Variants in SLC9A9 observed in about 807,000 individuals in gnomAD.
The protein encoded by SLC9A9 is solute carrier family 9 member A9.
In SLC9A9, 62 loss-of-function variants were observed where a neutral mutation model predicts 77.8. The ratio of observed to expected loss-of-function variants is 0.80; its 90% CI spans 0.65 to 0.98. The LOEUF (loss-of-function observed/expected upper bound fraction) is 0.98. Among genes scored for constraint, SLC9A9 ranks in the 50% least tolerant of loss-of-function variants. The pLI is 0.00. For missense variants in SLC9A9, 775 were observed against 774.9 expected, an observed-to-expected ratio of 1.00 and a Z score of 0.00; for synonymous variants, 320 against 283.5, an observed-to-expected ratio of 1.13 and a Z score of -1.29.
At chr3:143,296,236 A>G (rs2030263418) in intron 14 of SLC9A9, among the ~76,000 whole-genome samples, 2 of 152,102 alleles carry the variant, frequency 1.3e-5, no homozygotes, top group Non-Finnish European at 2.9e-5. Context: ...CTCCCTCCCT[A>G]GCCTCTGGAA....
At chr3:143,463,582 T>C (rs956164965) in intron 12 of SLC9A9, among the ~76,000 whole-genome samples, 11 of 152,214 alleles carry the variant, frequency 7.2e-5, no homozygotes, top group Admixed American at 6.5e-4. Context: ...CCAGTATTAA[T>C]GTATTCCACA....
intron 9 of SLC9A9, among the ~76,000 whole-genome samples, chr3:143,537,805 G>A (rs1354853619): frequency 6.6e-6 from 1 of 152,152 alleles, no homozygotes; most frequent in Non-Finnish European, 1.5e-5. Flanking sequence ...ATACCAGCAG[G>A]CAGGTGGGTT....
chr3:143,742,655 C>A (rs978231222), intron 4 of SLC9A9, among the ~76,000 whole-genome samples: 1 of 152,010 alleles, frequency 6.6e-6, no homozygotes, highest in African/African-American at 2.4e-5. Flanking sequence ...TGAATGGGAT[C>A]CTGGGACAGA....
intron 14 of SLC9A9, among the ~76,000 whole-genome samples, chr3:143,333,573 G>C (rs531555404): frequency 6.6e-6 from 1 of 152,158 alleles, no homozygotes; most frequent in African/African-American, 2.4e-5. Context: ...CTGACCTGGG[G>C]GATAGACCAC....
chr3:143,699,537 G>A lies in SLC9A9; in HGVS notation c.534-6230C>T, dbSNP rs200376634. Among the ~76,000 whole-genome samples, 4 of 152,166 alleles carry A rather than the reference G, an allele frequency of 2.6e-5. No individual in the cohort carries two copies. In the East Asian group the frequency reaches 7.7e-4, roughly 29 times the overall value. On this transcript the variant is annotated intron_variant, in intron 4 of 15. Coordinates refer to ENST00000316549, the MANE Select transcript of SLC9A9 (RefSeq NM_173653.4). Reference sequence around the variant, plus strand: ...CTGGGACAGGAAGAGTGCAGCAATTGTAAAACATTGTACTGAACTTACCGG... The same window carrying A: ...CTGGGACAGGAAGAGTGCAGCAATTATAAAACATTGTACTGAACTTACCGG...
chr3:143,280,319 T>C (rs1318964578), intron 14 of SLC9A9, among the ~76,000 whole-genome samples: 3 of 152,190 alleles, frequency 2.0e-5, no homozygotes, highest in Non-Finnish European at 1.5e-5. Flanking sequence ...ATTGAGTTTG[T>C]TATACGAATC....
At chr3:143,820,699 G>A (rs777758183) in intron 2 of SLC9A9, among the ~76,000 whole-genome samples, 21 of 152,094 alleles carry the variant, frequency 1.4e-4, no homozygotes, top group Non-Finnish European at 2.2e-4. Flanking sequence ...CTGGTCCTGC[G>A]TCTCACCAAG....
intron 12 of SLC9A9, among the ~76,000 whole-genome samples, chr3:143,457,206 G>T (rs2035109793): frequency 6.6e-6 from 1 of 151,948 alleles, no homozygotes; most frequent in Non-Finnish European, 1.5e-5. Context: ...TTGCACAGAT[G>T]GGGGTCTCCC....
At chr3:143,271,827 G>A (rs1202297091) in intron 14 of SLC9A9, among the ~76,000 whole-genome samples, 1 of 152,232 alleles carries the variant, frequency 6.6e-6, no homozygotes, top group Non-Finnish European at 1.5e-5. Context: ...CTCTGTGGCT[G>A]TGAATGGGAT....
intron 9 of SLC9A9, among the ~76,000 whole-genome samples, chr3:143,528,098 G>T (rs914995589): frequency 2.6e-5 from 4 of 152,262 alleles, no homozygotes; most frequent in African/African-American, 9.6e-5. Context: ...TCCATAGGCA[G>T]GCTTTGCAGG....
At chr3:143,506,621 T>C (rs775590499) in intron 9 of SLC9A9, among the ~76,000 whole-genome samples, 25 of 152,288 alleles carry the variant, frequency 1.6e-4, no homozygotes, top group Admixed American at 4.6e-4. Context: ...ATAAACATTT[T>C]GCTGCTGTGA....
intron 4 of SLC9A9, among the ~76,000 whole-genome samples, chr3:143,729,831 G>A (rs957619666): frequency 6.6e-6 from 1 of 152,036 alleles, no homozygotes; most frequent in East Asian, 1.9e-4. Context: ...ACTGTTACTC[G>A]TCTTCCAAAA....
intron 6 of SLC9A9, among the ~76,000 whole-genome samples, chr3:143,582,318 A>G (rs1303954676): frequency 6.6e-6 from 1 of 152,218 alleles, no homozygotes; most frequent in African/African-American, 2.4e-5. Flanking sequence ...TCCCCTAGAA[A>G]TGTTGTGAGG....
chr3:143,317,928 C>T (rs1191505113), intron 14 of SLC9A9, among the ~76,000 whole-genome samples: 8 of 152,118 alleles, frequency 5.3e-5, no homozygotes, highest in African/African-American at 4.8e-5. Flanking sequence ...GGGGTTTCAC[C>T]GTGTTAGCCA....
intron 13 of SLC9A9, among the ~76,000 whole-genome samples, chr3:143,372,939 A>G (rs1039614925): frequency 1.3e-5 from 2 of 152,234 alleles, no homozygotes; most frequent in African/African-American, 4.8e-5. Flanking sequence ...GGCCATTATT[A>G]AAAAGTCAAA....
chr3:143,329,236 A>G (rs986506051), intron 14 of SLC9A9, among the ~76,000 whole-genome samples: 3 of 152,186 alleles, frequency 2.0e-5, no homozygotes, highest in African/African-American at 7.2e-5. Context: ...TTGTCCGTTG[A>G]AGGTGAAGGT....
intron 4 of SLC9A9, among the ~76,000 whole-genome samples, chr3:143,769,174 A>G (rs2007430619): frequency 6.6e-6 from 1 of 152,218 alleles, no homozygotes; most frequent in East Asian, 1.9e-4. Flanking sequence ...GCTCATAATT[A>G]AAAATGAAAT....
At chr3:143,500,061 A>C (rs1338587729) in intron 9 of SLC9A9, among the ~76,000 whole-genome samples, 1 of 152,132 alleles carries the variant, frequency 6.6e-6, no homozygotes, top group South Asian at 2.1e-4. Flanking sequence ...AGGTATCACA[A>C]AACAGATTCC....
intron 5 of SLC9A9, among the ~76,000 whole-genome samples, chr3:143,673,987 T>C (rs1576650841): frequency 1.3e-5 from 2 of 152,196 alleles, no homozygotes; most frequent in Non-Finnish European, 2.9e-5. Flanking sequence ...CTGGAAATTT[T>C]ATGTTCAGGA....
Sources: allele counts gnomAD v4.1 joint callset (sites outside exome capture counted in the v4.1 genomes callset), GRCh38; gene constraint gnomAD v4.1.1; transcripts MANE v1.5; gene names NCBI Gene and HGNC (gene_info 2026-07-23, HGNC 2026-07-21).